The following CTNNBL1 variants were observed in gnomAD, a reference collection of about 807,000 sequenced individuals.
The protein encoded by CTNNBL1 is beta-catenin-like protein 1.
In CTNNBL1, 31 loss-of-function variants were observed where a neutral mutation model predicts 72.7. That is an observed-to-expected ratio of 0.43 (90% confidence interval 0.32 to 0.58). The LOEUF (loss-of-function observed/expected upper bound fraction) is 0.58, where lower values mean the gene tolerates loss of function less well. Among genes scored for constraint, CTNNBL1 ranks in the 20% least tolerant of loss-of-function variants. The pLI is 0.08. For missense variants in CTNNBL1, 534 were observed against 725.1 expected, an observed-to-expected ratio of 0.74 and a Z score of 3.03; for synonymous variants, 240 against 267.3, an observed-to-expected ratio of 0.90 and a Z score of 1.00.
intron 9 of CTNNBL1, among the ~76,000 whole-genome samples, chr20:37,778,756 G>A (rs1600482299): frequency 1.3e-5 from 2 of 152,146 alleles, no homozygotes; most frequent in South Asian, 4.1e-4. Context: ...GGTTGGGTTG[G>A]GCAAGTGGAG....
intron 13 of CTNNBL1, among the ~76,000 whole-genome samples, chr20:37,854,481 G>A (rs1225991565): frequency 6.6e-6 from 1 of 151,586 alleles, no homozygotes; most frequent in Non-Finnish European, 1.5e-5. Flanking sequence ...CCACCCACTA[G>A]CCTTGAGGAG....
At chr20:37,821,787 T>C (rs1838587796) in intron 11 of CTNNBL1, among the ~76,000 whole-genome samples, 1 of 152,230 alleles carries the variant, frequency 6.6e-6, no homozygotes, top group South Asian at 2.1e-4. Flanking sequence ...TTTTTTGTTG[T>C]GGAGGGCTCC....
intron 13 of CTNNBL1, among the ~76,000 whole-genome samples, chr20:37,848,770 C>T (rs767890812): frequency 4.6e-5 from 7 of 152,134 alleles, no homozygotes; most frequent in Non-Finnish European, 7.3e-5. Context: ...TCCTCTCTGT[C>T]CTCATTCAGT....
chr20:37,823,039 A>G (rs2072123583), intron 11 of CTNNBL1, among the ~76,000 whole-genome samples: 1 of 152,210 alleles, frequency 6.6e-6, no homozygotes, highest in Admixed American at 6.5e-5. Flanking sequence ...TTGCCAATAT[A>G]TATTGTTGAT....
chr20:37,788,479 T>TA (rs2122709558), intron 10 of CTNNBL1, among the ~76,000 whole-genome samples: 1 of 152,346 alleles, frequency 6.6e-6, no homozygotes, highest in East Asian at 1.9e-4. Flanking sequence ...TGCCTGAACA[T>TA]ATTTAGTTCT....
At chr20:37,701,177 G>C (rs536880538) in intron 1 of CTNNBL1, among the ~76,000 whole-genome samples, 1 of 152,098 alleles carries the variant, frequency 6.6e-6, no homozygotes, top group African/African-American at 2.4e-5. Context: ...AATATTTTCT[G>C]TGTTTCTACA....
At chr20:37,766,132 G>A (rs564068917) in intron 6 of CTNNBL1, among the ~76,000 whole-genome samples, 12 of 152,252 alleles carry the variant, frequency 7.9e-5, no homozygotes, top group Non-Finnish European at 1.6e-4. Context: ...CATAAAGAAG[G>A]GGAAACATGG....
chr20:37,730,471 C>T (rs1164629718), intron 1 of CTNNBL1, among the ~76,000 whole-genome samples: 1 of 152,078 alleles, frequency 6.6e-6, no homozygotes, highest in Non-Finnish European at 1.5e-5. Context: ...ATTATAATGT[C>T]CATTTACAGA....
chr20:37,753,527 C>A (rs1198913091), intron 4 of CTNNBL1, among the ~76,000 whole-genome samples: 1 of 152,146 alleles, frequency 6.6e-6, no homozygotes, highest in Non-Finnish European at 1.5e-5. Flanking sequence ...CAATCTGAAT[C>A]TCTGTGGCAT....
rs141534307 is a variant in CTNNBL1 at position 37,704,856 on chromosome 20, G to C, written c.30+10704G>C. Among the ~76,000 whole-genome samples, 243 of 152,336 alleles carry C rather than the reference G, an allele frequency of 1.6e-3. 1 individual carries two copies. The highest frequency in any genetic ancestry group is 5.7e-3 in the African/African-American group (235 of 41,580). ...CAGTCATAGACTTCAGTCCTACCTA[G>C]TTCAGCTTCCTTGGAGACAGGTCTT... On this transcript the variant is annotated intron_variant, in intron 1 of 15. Coordinates refer to ENST00000361383, the MANE Select transcript of CTNNBL1 (RefSeq NM_030877.5).
At chr20:37,860,108 TCAC>T in intron 14 of CTNNBL1, 72 bp downstream of exon 14, 1 of 95,612 alleles carries the variant, frequency 1.0e-5, no homozygotes, top group Middle Eastern at 4.1e-3. Context: ...AGGTGGACTC[TCAC>T]TCAGGGAAAG....
At chr20:37,824,740 G>A (rs1279367300) in intron 11 of CTNNBL1, among the ~76,000 whole-genome samples, 2 of 152,198 alleles carry the variant, frequency 1.3e-5, no homozygotes, top group African/African-American at 4.8e-5. Flanking sequence ...GGCCAGGGAT[G>A]TTTGTTTGCT....
At chr20:37,728,284 A>G (rs1245504940) in intron 1 of CTNNBL1, among the ~76,000 whole-genome samples, 1 of 152,228 alleles carries the variant, frequency 6.6e-6, no homozygotes, top group Non-Finnish European at 1.5e-5. Context: ...TAATTTTTTA[A>G]TATAGATTAC....
chr20:37,721,710 AT>A lies in CTNNBL1; in HGVS notation c.31-11166del, dbSNP rs1183445037. Among the ~76,000 whole-genome samples, 3 of 152,246 alleles carry A rather than the reference AT, an allele frequency of 2.0e-5. No homozygotes were observed. The East Asian group carries it at 5.8e-4, about 29-fold the overall frequency. On this transcript the variant is annotated intron_variant, in intron 1 of 15. Coordinates refer to ENST00000361383, the MANE Select transcript of CTNNBL1 (RefSeq NM_030877.5). ...CCTTTAGAAGCAATCAGTATCCTGA[AT>A]TTGGTGATTATTATTCTCATGTACT...
chr20:37,775,097 A>C (rs2073562218), intron 7 of CTNNBL1, among the ~76,000 whole-genome samples: 1 of 152,172 alleles, frequency 6.6e-6, no homozygotes, highest in Non-Finnish European at 1.5e-5. Context: ...TAATAGTCTC[A>C]TTTATTAAGT....
At chr20:37,761,787 G>A (rs1022353626) in intron 5 of CTNNBL1, among the ~76,000 whole-genome samples, 1 of 152,230 alleles carries the variant, frequency 6.6e-6, no homozygotes, top group Non-Finnish European at 1.5e-5. Flanking sequence ...AAGTCAGGTT[G>A]GATTAAATAG....
chr20:37,762,567 C>A (rs374301193), intron 5 of CTNNBL1, among the ~76,000 whole-genome samples: 1 of 152,162 alleles, frequency 6.6e-6, no homozygotes, highest in Non-Finnish European at 1.5e-5. Flanking sequence ...ATTTCCAAGG[C>A]AAGGGTTGCC....
chr20:37,837,417 G>A (rs1215094760), intron 11 of CTNNBL1, among the ~76,000 whole-genome samples: 1 of 152,014 alleles, frequency 6.6e-6, no homozygotes, highest in African/African-American at 2.4e-5. Context: ...GTCTTGAGAA[G>A]GTATATAGTA....
intron 10 of CTNNBL1, among the ~76,000 whole-genome samples, chr20:37,800,704 A>C (rs1266342553): frequency 6.6e-6 from 1 of 152,208 alleles, no homozygotes; most frequent in African/African-American, 2.4e-5. Context: ...CAGAACCAAC[A>C]TGTTGAATTG....
Sources: gnomAD v4.1 joint callset for allele counts (sites outside exome capture counted in the v4.1 genomes callset) on GRCh38, gnomAD v4.1.1 for gene constraint, MANE v1.5 for transcripts, NCBI Gene and HGNC (gene_info 2026-07-23, HGNC 2026-07-21) for gene names.